LRP1: variants seen among roughly 807,000 people sequenced by gnomAD.
The protein encoded by LRP1 is prolow-density lipoprotein receptor-related protein 1.
Under a neutral mutation model 541.5 loss-of-function variants are expected in LRP1, and 51 were observed. The ratio of observed to expected loss-of-function variants is 0.09; its 90% CI spans 0.08 to 0.12. The LOEUF is 0.12. Among genes scored for constraint, LRP1 ranks in the 10% least tolerant of loss-of-function variants. The pLI is 1.00. For synonymous variants in LRP1, 2,219 were observed against 2,470.8 expected (o/e 0.90, Z 3.02); for missense variants, 3,878 against 6,376.2 (o/e 0.61, Z 13.34).
chr12:57,149,512 G>C (rs1272733270), intron 6 of LRP1: 1 of 626,204 alleles, frequency 1.6e-6, no homozygotes, highest in Non-Finnish European at 2.9e-6. Context: ...ACTTAAGCAA[G>C]AGAGATGTGT....
At chr12:57,181,401 C>T (rs760726289) in intron 34 of LRP1, 110 bp downstream of exon 34, 249 of 1,345,890 alleles carry the variant, frequency 1.9e-4, no homozygotes, top group Middle Eastern at 5.2e-4. Context: ...CTACATTCGT[C>T]GTGTAGGGGA....
At chr12:57,129,585 A>G (rs1213829274) in intron 1 of LRP1, among the ~76,000 whole-genome samples, 1 of 152,102 alleles carries the variant, frequency 6.6e-6, no homozygotes, top group African/African-American at 2.4e-5. Flanking sequence ...AATCGACCCC[A>G]GAGCCCCGGC....
chr12:57,204,793 C>T lies in LRP1; in HGVS notation c.11194+44C>T. 2 of 1,607,462 alleles carry T rather than the reference C, an allele frequency of 1.2e-6. No homozygotes were observed. Among genetic ancestry groups the T allele is most frequent in the South Asian group, 1.1e-5 (1 of 90,906 alleles). ...AGAGGCCTGCAGGGGACGGGTAGTG[C>T]ACAGTGGGGTGAGTCTGGTCCTCGT... On this transcript the variant is annotated intron_variant, in intron 72 of 88. Transcript: ENST00000243077. The surrounding 1 kb of genome is among the most constrained non-coding windows in gnomAD (Gnocchi z 5.3).
In LRP1 at chr12:57,156,013, G is replaced by A. The variant is rs978219058; in HGVS notation, c.1228-81G>A. 1 of 1,137,012 alleles carries A rather than the reference G, an allele frequency of 8.8e-7. No individual in the cohort carries two copies. The allele number at this position is 1,137,012 out of a possible 1,614,324, so 70.4% of individuals were successfully genotyped here. A position where few individuals can be genotyped will look rare whatever the true frequency, so the allele number is the denominator to read the frequency against. ...TTGGGGAATGCAGGTCATGAAGTCT[G>A]GAGGAAGCTGAGGGGATCTCCAGGA... On this transcript the variant is annotated intron_variant, in intron 8 of 88. Transcript: ENST00000243077. This position sits in a 1 kb window ranked among gnomAD's most constrained non-coding sequence, Gnocchi z 5.2.
At chr12:57,171,487 G>T (rs537889720) in intron 20 of LRP1, among the ~76,000 whole-genome samples, 5 of 152,316 alleles carry the variant, frequency 3.3e-5, no homozygotes, top group East Asian at 1.9e-4. Context: ...CTCGTGCAGG[G>T]ACAGTGGGGA....
At position 57,166,083 on chromosome 12, in the gene LRP1, G is replaced by A; in HGVS notation, c.2672-1G>A. ...TGACCCCTGACTCATTCCCTCCCCA[G>A]ATCAGCACACCTGCCCCTCGGACCG... On this transcript the variant is annotated splice_acceptor_variant, in intron 16 of 88. Transcript: ENST00000243077. LOFTEE classifies it high-confidence loss of function. 6.2e-7 allele frequency: 1 copy of A among 1,614,176 alleles called. No individual in the cohort carries two copies. Among genetic ancestry groups the A allele is most frequent in the Non-Finnish European group, 8.5e-7 (1 of 1,180,024 alleles).
Position 57,162,083 on chromosome 12 carries a change from A to G in LRP1, c.2203-234A>G, listed in dbSNP as rs1308515639. ...ATAGGAATGAGCCCAGGAGAGGACCATATGGACAACCTCACCATCAGCATC... is the reference window on the plus strand; with the variant it reads ...ATAGGAATGAGCCCAGGAGAGGACCGTATGGACAACCTCACCATCAGCATC... On this transcript the variant is annotated intron_variant, in intron 13 of 88. Coordinates refer to ENST00000243077, the MANE Select transcript of LRP1 (RefSeq NM_002332.3). The surrounding 1 kb of genome is among the most constrained non-coding windows in gnomAD (Gnocchi z 5.2). Among the ~76,000 whole-genome samples the G allele has an allele frequency of 6.6e-6, 1 of 152,058 alleles. No individual in the cohort carries two copies. Among genetic ancestry groups the G allele is most frequent in the Non-Finnish European group, 1.5e-5 (1 of 68,000 alleles).
chr12:57,200,965 G>T, intron 64 of LRP1, 69 bp from the exon 65 acceptor site: 1 of 1,606,860 alleles, frequency 6.2e-7, no homozygotes, highest in Non-Finnish European at 8.5e-7. Context: ...TCCCTGCTGA[G>T]GGATGGGCAC....
In LRP1 at chr12:57,193,696, C is replaced by A. The variant is rs778253289; in HGVS notation, c.7804+11C>A. 6.2e-7 allele frequency: 1 copy of A among 1,614,088 alleles called. No individual in the cohort carries two copies. On this transcript the variant is annotated intron_variant, in intron 47 of 88. Coordinates refer to ENST00000243077, the MANE Select transcript of LRP1 (RefSeq NM_002332.3). ...AGATCCCTTGCAACAGTGAGTGAGG[C>A]GCACTGGCATAACCCATCTGTACCT...
At chr12:57,138,609 C>A in intron 2 of LRP1, 28 bp downstream of exon 2, 1 of 1,612,520 alleles carries the variant, frequency 6.2e-7, no homozygotes, top group South Asian at 1.1e-5. Flanking sequence ...ATTCTTCTCC[C>A]CAAACCCTTA....
intron 5 of LRP1, 35 bp from the exon 6 acceptor site, chr12:57,145,192 C>G: frequency 1.2e-6 from 2 of 1,613,780 alleles, no homozygotes; most frequent in Non-Finnish European, 1.7e-6. Flanking sequence ...TCCTAGAGCC[C>G]TGGCTGCACG....
intron 20 of LRP1, among the ~76,000 whole-genome samples, chr12:57,172,953 A>G (rs996722803): frequency 1.3e-5 from 2 of 152,162 alleles, no homozygotes; most frequent in African/African-American, 4.8e-5. Flanking sequence ...GGGGGATTAG[A>G]TGAGGTGATT....
At position 57,183,960 on chromosome 12, in the gene LRP1, G is replaced by A. The variant is rs374971952; in HGVS notation, c.5929+51G>A. 544 of 1,611,204 alleles carry A rather than the reference G, an allele frequency of 3.4e-4. 4 individuals are homozygous for A. The African/African-American group carries it at 6.7e-3, about 20-fold the overall frequency. ...CTTGGGGTGTGGCAGAGGACTGGGG[G>A]ACGAAGTGAGAGGAGGAGTTGGCGG... On this transcript the variant is annotated intron_variant, in intron 36 of 88. Coordinates refer to ENST00000243077, the MANE Select transcript of LRP1 (RefSeq NM_002332.3). The surrounding 1 kb of genome is among the most constrained non-coding windows in gnomAD (Gnocchi z 6.1).
Position 57,175,967 on chromosome 12 carries a change from T to C in LRP1, c.3852T>C (p.Leu1284=). 2 of 1,614,138 alleles carry C rather than the reference T, an allele frequency of 1.2e-6. No individual in the cohort carries two copies. The highest frequency in any genetic ancestry group is 8.5e-7 in the Non-Finnish European group (1 of 1,180,006). Residue 1284 remains leucine, a synonymous_variant, in exon 24 of 89, where the codon CTT becomes CTC. Coordinates refer to ENST00000243077, the MANE Select transcript of LRP1 (RefSeq NM_002332.3). ...GCCATGAAATCCGGCGCATCGATCT[T>C]CACAAAGGAGACTACAGCGTCCTGG... The part of the protein sequence containing the change: ...SNRHEIRRID[L]HKGDYSVLVP...
intron 8 of LRP1, chr12:57,155,102 G>A (rs183593843): frequency 7.1e-5 from 31 of 438,760 alleles, no homozygotes; most frequent in South Asian, 4.3e-4. Flanking sequence ...TGGCTCAGAG[G>A]TGGCATCTCC....
Position 57,191,462 on chromosome 12 carries a change from TC to T in LRP1, c.7384del (p.Gln2462SerfsTer59). ...GSNMKLLRVD[I>X]PQQPMGIIAV... ...AACATGAAGCTGCTGCGCGTGGACATCCCCCAGCAGCCCATGGGCATCATCG... is the reference window on the plus strand; with the variant it reads ...AACATGAAGCTGCTGCGCGTGGACATCCCCAGCAGCCCATGGGCATCATCG... On this transcript the variant is annotated frameshift_variant, in exon 44 of 89. Coordinates refer to ENST00000243077, the MANE Select transcript of LRP1 (RefSeq NM_002332.3). LOFTEE classifies it high-confidence loss of function. 1 of 1,609,838 alleles carries T rather than the reference TC, an allele frequency of 6.2e-7. No individual in the cohort carries two copies. Among genetic ancestry groups the T allele is most frequent in the Non-Finnish European group, 8.5e-7 (1 of 1,177,122 alleles).
chr12:57,154,177 A>C lies in LRP1; in HGVS notation c.842-31A>C, dbSNP rs763369180. 13 of 1,596,040 alleles carry C rather than the reference A, an allele frequency of 8.1e-6. No homozygotes were observed. In the Admixed American group the frequency reaches 1.5e-4, roughly 19 times the overall value. Reference sequence around the variant, plus strand: ...GCATCTCTGCAAGAGGGCCTACCCCACCCCATGGCTCTTTCATTCGTACTC... The same window carrying C: ...GCATCTCTGCAAGAGGGCCTACCCCCCCCCATGGCTCTTTCATTCGTACTC... On this transcript the variant is annotated intron_variant, in intron 6 of 88. Coordinates refer to ENST00000243077, the MANE Select transcript of LRP1 (RefSeq NM_002332.3). The surrounding 1 kb of genome is among the most constrained non-coding windows in gnomAD (Gnocchi z 4.6).
chr12:57,201,894 A>G lies in LRP1; in HGVS notation c.10583A>G (p.Lys3528Arg). The change falls in exon 67 of 89, where the codon AAG becomes AGG. Residue 3528 changes from lysine (K) to arginine (R), a missense_variant. Transcript: ENST00000243077. This position sits in a 1 kb window ranked among gnomAD's most constrained non-coding sequence, Gnocchi z 6.4. ...DDCGDGSDEP[K>R]EECDERTCEP... ...TGTGGGGATGGCTCGGATGAGCCCA[A>G]GGAAGAGTGTGGTGAGCCGAGACCC... 1.2e-6 allele frequency: 2 copies of G among 1,613,994 alleles called. No homozygotes were observed. Among genetic ancestry groups the G allele is most frequent in the Non-Finnish European group, 8.5e-7 (1 of 1,179,986 alleles).
Position 57,201,360 on chromosome 12 carries a change from T to C in LRP1, c.10346-137T>C. 1 of 1,414,006 alleles carries C rather than the reference T, an allele frequency of 7.1e-7. No homozygotes were observed. Among genetic ancestry groups the C allele is most frequent in the Non-Finnish European group, 9.6e-7 (1 of 1,043,764 alleles). The allele number at this position is 1,414,006 out of a possible 1,614,324, so 87.6% of individuals were successfully genotyped here. Reference sequence around the variant, plus strand: ...TCCAGAAAACAAAAAGCACCAAAACTGGGGATAAACTGTTCCTTCCTCCGA... The same window carrying C: ...TCCAGAAAACAAAAAGCACCAAAACCGGGGATAAACTGTTCCTTCCTCCGA... On this transcript the variant is annotated intron_variant, in intron 65 of 88. Transcript: ENST00000243077. This position sits in a 1 kb window ranked among gnomAD's most constrained non-coding sequence, Gnocchi z 6.4.
Sources: gnomAD v4.1 joint callset for allele counts (sites outside exome capture counted in the v4.1 genomes callset) on GRCh38, gnomAD v4.1.1 for gene constraint, Gnocchi (gnomAD v3.1) non-coding constraint, MANE v1.5 for transcripts, NCBI Gene and HGNC (gene_info 2026-07-23, HGNC 2026-07-21) for gene names.